The following VAT1L variants were observed in gnomAD, a reference collection of about 807,000 sequenced individuals.
VAT1L encodes putative NADPH-dependent quinone oxidoreductase VAT1L.
Under a neutral mutation model 44.1 loss-of-function variants are expected in VAT1L, and 34 were observed. That is an observed-to-expected ratio of 0.77 (90% CI 0.59 to 1.03). VAT1L has a LOEUF of 1.03. Among genes scored for constraint, VAT1L ranks in the 50% least tolerant of loss-of-function variants. VAT1L has a pLI of 0.00. For synonymous variants in VAT1L, 253 were observed against 202.2 expected (o/e 1.25, Z -2.13); for missense variants, 615 against 538.8 (o/e 1.14, Z -1.40).
chr16:77,922,611 T>C (rs2017624343), intron 7 of VAT1L, among the ~76,000 whole-genome samples: 4 of 152,064 alleles, frequency 2.6e-5, no homozygotes, highest in Admixed American at 2.0e-4. Context: ...AGTGGAGAAG[T>C]AGGGAAACAG....
At position 77,884,534 on chromosome 16, in the gene VAT1L, C is replaced by T. The variant is rs966406497; in HGVS notation, c.883-74C>T. ...ACGTTCCCCCTGTAGTAGCTGATGACATCAGCAATGCTGCCAATGTAGGCT... is the reference window on the plus strand; with the variant it reads ...ACGTTCCCCCTGTAGTAGCTGATGATATCAGCAATGCTGCCAATGTAGGCT... On this transcript the variant is annotated intron_variant, in intron 6 of 8. Coordinates refer to ENST00000302536, the MANE Select transcript of VAT1L (RefSeq NM_020927.3). This position sits in a 1 kb window ranked among gnomAD's most constrained non-coding sequence, Gnocchi z 4.5. 126 of 1,488,680 alleles carry T rather than the reference C, an allele frequency of 8.5e-5. No homozygotes were observed. The highest frequency in any genetic ancestry group is 1.1e-4 in the Non-Finnish European group (118 of 1,099,044). 92.2% of individuals were successfully genotyped at this position (1,488,680 alleles called of 1,614,324 possible). A position where few individuals can be genotyped will look rare whatever the true frequency, so the allele number is the denominator to read the frequency against.
intron 1 of VAT1L, among the ~76,000 whole-genome samples, chr16:77,804,825 C>A (rs1338090483): frequency 6.6e-6 from 1 of 152,192 alleles, no homozygotes; most frequent in Admixed American, 6.5e-5. Context: ...AGTCCCACTG[C>A]AAAGAGAACT....
chr16:77,817,180 T>C, intron 2 of VAT1L, 130 bp downstream of exon 2: 1 of 1,358,788 alleles, frequency 7.4e-7, no homozygotes, highest in Non-Finnish European at 9.9e-7. Flanking sequence ...TTATTTGGAC[T>C]GTTGACAATG....
intron 2 of VAT1L, among the ~76,000 whole-genome samples, chr16:77,820,446 T>C (rs2016432518): frequency 6.6e-6 from 1 of 152,230 alleles, no homozygotes; most frequent in Non-Finnish European, 1.5e-5. Flanking sequence ...AGCTCATCGA[T>C]GCTCACATCC....
chr16:77,924,580 C>T (rs1389143826), intron 7 of VAT1L, among the ~76,000 whole-genome samples: 1 of 152,180 alleles, frequency 6.6e-6, no homozygotes, highest in Non-Finnish European at 1.5e-5. Context: ...CCTGCCTCAG[C>T]CTCCCAAGTA....
chr16:77,959,716 C>T (rs2018141498), intron 7 of VAT1L, among the ~76,000 whole-genome samples: 1 of 152,184 alleles, frequency 6.6e-6, no homozygotes, highest in Non-Finnish European at 1.5e-5. Context: ...TACTATGAAG[C>T]ACTAAATGAA....
chr16:77,882,730 A>C (rs1359656756), intron 6 of VAT1L, among the ~76,000 whole-genome samples: 1 of 152,250 alleles, frequency 6.6e-6, no homozygotes, highest in Non-Finnish European at 1.5e-5. Flanking sequence ...TTGCAGATAC[A>C]CTGTGAATCA....
chr16:77,894,170 T>C (rs968625211), intron 7 of VAT1L, among the ~76,000 whole-genome samples: 1 of 152,196 alleles, frequency 6.6e-6, no homozygotes, highest in Middle Eastern at 3.2e-3. Flanking sequence ...CCCCGCTTTA[T>C]TCCTGCATGT....
rs117824797 is a variant in VAT1L, at chr16:77,852,906, A to G, written c.580-9842A>G. Among the ~76,000 whole-genome samples, 971 of 152,308 alleles carry G rather than the reference A, an allele frequency of 6.4e-3. 14 individuals carry two copies. The highest frequency in any genetic ancestry group is 0.018 in the East Asian group (93 of 5,170). On this transcript the variant is annotated intron_variant, in intron 3 of 8. Coordinates refer to ENST00000302536, the MANE Select transcript of VAT1L (RefSeq NM_020927.3). ...TCCATCTGGGAAATGAGGATGAACT[A>G]GTACCTACCTCATAAAGGTTGTGAT...
intron 7 of VAT1L, among the ~76,000 whole-genome samples, chr16:77,929,164 A>T (rs1273105154): frequency 6.6e-6 from 1 of 152,006 alleles, no homozygotes; most frequent in South Asian, 2.1e-4. Context: ...AATGCTCTCT[A>T]TTTGAGCTCT....
intron 3 of VAT1L, among the ~76,000 whole-genome samples, chr16:77,832,084 T>G (rs1280874984): frequency 6.6e-6 from 1 of 151,392 alleles, no homozygotes; most frequent in Non-Finnish European, 1.5e-5. Flanking sequence ...AACCTCGGCT[T>G]CTCAAAGTGC....
At chr16:77,949,090 T>C (rs7191940) in intron 7 of VAT1L, among the ~76,000 whole-genome samples, 5,010 of 152,226 alleles carry the variant, frequency 0.033, 256 homozygotes, top group African/African-American at 0.11. Flanking sequence ...GGGGGCAGAT[T>C]GGAGCACGAA....
intron 1 of VAT1L, among the ~76,000 whole-genome samples, chr16:77,813,674 C>G (rs1191973720): frequency 6.6e-6 from 1 of 152,222 alleles, no homozygotes; most frequent in Non-Finnish European, 1.5e-5. Context: ...CTCAGGTCAA[C>G]TAGATCTCTG....
chr16:77,936,857 GGTTT>G (rs2017804303), intron 7 of VAT1L, among the ~76,000 whole-genome samples: 2 of 122,592 alleles, frequency 1.6e-5, no homozygotes, highest in Admixed American at 8.9e-5. Flanking sequence ...AAGACCTGAG[GGTTT>G]GTTTGGTTTC....
chr16:77,884,596 C>T lies in VAT1L; in HGVS notation c.883-12C>T. ...TTGAGTTCCTATAACCCAATACCAC[C>T]TCTCTTTGCAGTGGTGGCAGGTGGA... On this transcript the variant is annotated splice_polypyrimidine_tract_variant and intron_variant, in intron 6 of 8. Coordinates refer to ENST00000302536, the MANE Select transcript of VAT1L (RefSeq NM_020927.3). The surrounding 1 kb of genome is among the most constrained non-coding windows in gnomAD (Gnocchi z 4.5). 6.2e-7 allele frequency: 1 copy of T among 1,611,312 alleles called. No homozygotes were observed. Among genetic ancestry groups the T allele is most frequent in the Non-Finnish European group, 8.5e-7 (1 of 1,179,018 alleles).
At chr16:77,859,575 G>A (rs941960518) in intron 3 of VAT1L, among the ~76,000 whole-genome samples, 3 of 152,226 alleles carry the variant, frequency 2.0e-5, no homozygotes, top group African/African-American at 7.2e-5. Context: ...TCAGTGTTGT[G>A]TTTGAGAAAT....
chr16:77,963,319 A>G (rs1216292280), intron 7 of VAT1L, among the ~76,000 whole-genome samples: 1 of 152,154 alleles, frequency 6.6e-6, no homozygotes, highest in East Asian at 1.9e-4. Flanking sequence ...GGTGAGAGTC[A>G]GAGAGATTTG....
rs1020848074 is a variant in VAT1L, at chr16:77,977,760, C to T, written c.*65C>T. 4.8e-6 allele frequency: 7 copies of T among 1,465,430 alleles called. No homozygotes were observed. The highest frequency in any genetic ancestry group is 2.2e-4 in the Middle Eastern group (1 of 4,522). The allele number at this position is 1,465,430 out of a possible 1,614,324, so 90.8% of individuals were successfully genotyped here. ...AGATGAGGACCCGGCTGAGAAAACT[C>T]TTCTGTGCCCCAGTGAACAAATGCT... On this transcript the variant is annotated 3_prime_UTR_variant, in exon 9 of 9. Transcript: ENST00000302536.
intron 3 of VAT1L, among the ~76,000 whole-genome samples, chr16:77,855,540 C>A (rs1488749854): frequency 6.6e-6 from 1 of 152,074 alleles, no homozygotes; most frequent in Non-Finnish European, 1.5e-5. Context: ...CCAATGCAGT[C>A]TTTTGCTAGT....
Sources: allele counts gnomAD v4.1 joint callset (sites outside exome capture counted in the v4.1 genomes callset), GRCh38; gene constraint gnomAD v4.1.1; non-coding constraint Gnocchi (gnomAD v3.1); transcripts MANE v1.5; gene names NCBI Gene and HGNC (gene_info 2026-07-23, HGNC 2026-07-21).